AFF3: variants seen among roughly 807,000 people sequenced by gnomAD.
AFF3 encodes ALF transcription elongation factor 3, also known as AF4/FMR2 family member 3.
A neutral mutation model predicts 129.7 loss-of-function variants in AFF3; 32 were observed. The ratio of observed to expected loss-of-function variants is 0.25; its 90% CI spans 0.19 to 0.33. The LOEUF (loss-of-function observed/expected upper bound fraction) is 0.33. AFF3 is among the 10% of genes least tolerant of loss of function. AFF3 has a pLI of 1.00. For missense variants in AFF3, 1,373 were observed against 1,592.0 expected (o/e 0.86, Z 2.34); for synonymous variants, 644 against 635.4 (o/e 1.01, Z -0.20).
At chr2:99,679,416 A>G (rs1349661653) in intron 11 of AFF3, among the ~76,000 whole-genome samples, 2 of 151,942 alleles carry the variant, frequency 1.3e-5, no homozygotes, top group Non-Finnish European at 2.9e-5. Flanking sequence ...TCCACTTGCC[A>G]CCTTCTCTGC....
At chr2:100,092,358 A>T (rs2105419304) in intron 4 of AFF3, among the ~76,000 whole-genome samples, 1 of 151,822 alleles carries the variant, frequency 6.6e-6, no homozygotes, top group Middle Eastern at 3.4e-3. Context: ...CTCCATCCTC[A>T]CCGGCCCAGG....
intron 7 of AFF3, among the ~76,000 whole-genome samples, chr2:99,986,259 C>T (rs1679864916): frequency 6.8e-6 from 1 of 146,264 alleles, no homozygotes; most frequent in African/African-American, 2.5e-5. Context: ...TAATGTAGGA[C>T]ATGCACTGTG....
chr2:99,576,906 C>T (rs909187443), intron 18 of AFF3, among the ~76,000 whole-genome samples: 2 of 152,168 alleles, frequency 1.3e-5, no homozygotes, highest in African/African-American at 4.8e-5. Flanking sequence ...CCACTCCATG[C>T]CCTCCCTGGG....
intron 11 of AFF3, among the ~76,000 whole-genome samples, chr2:99,691,771 G>A (rs893166285): frequency 6.6e-6 from 1 of 152,190 alleles, no homozygotes; most frequent in Non-Finnish European, 1.5e-5. Context: ...GTGACAGGGT[G>A]TGGGGTAATG....
chr2:99,707,138 AG>A, intron 11 of AFF3: 1 of 985,464 alleles, frequency 1.0e-6, no homozygotes, highest in African/African-American at 1.7e-5. Flanking sequence ...TGGCTTAGCA[AG>A]TCAAAAACTA....
intron 4 of AFF3, among the ~76,000 whole-genome samples, chr2:100,044,973 A>C (rs1685717691): frequency 6.6e-6 from 1 of 152,146 alleles, no homozygotes; most frequent in Non-Finnish European, 1.5e-5. Context: ...GGGGATGTGG[A>C]CAAGACGGCA....
At position 99,594,245 on chromosome 2, in the gene AFF3, T is replaced by C. The variant is rs1190360461; in HGVS notation, c.1416A>G (p.Leu472=). 5 of 1,613,154 alleles carry C rather than the reference T, an allele frequency of 3.1e-6. No individual in the cohort carries two copies. Among genetic ancestry groups the C allele is most frequent in the Non-Finnish European group, 4.2e-6 (5 of 1,179,362 alleles). ...GAGGCTTGTGGGGATTAACTTTGTT[T>C]AGCCATTTATCCAGCTGCCACTTGT... The part of the protein sequence containing the change: ...SSNKWQLDKW[L]NKVNPHKPPI... The change falls in exon 15 of 25, where the codon CTA becomes CTG. Residue 472 remains leucine, a synonymous_variant. Coordinates refer to ENST00000672756, the MANE Select transcript of AFF3 (RefSeq NM_001386135.1).
chr2:99,727,498 T>C (rs1334115467), intron 10 of AFF3, among the ~76,000 whole-genome samples: 4 of 152,194 alleles, frequency 2.6e-5, no homozygotes, highest in African/African-American at 9.6e-5. Context: ...CTTTGAACTT[T>C]GATTGCTTCT....
chr2:99,650,743 T>C (rs578144670), intron 12 of AFF3, among the ~76,000 whole-genome samples: 9 of 152,150 alleles, frequency 5.9e-5, no homozygotes, highest in African/African-American at 2.2e-4. Flanking sequence ...AACTTTCATT[T>C]TGTATTGAAA....
At chr2:99,701,213 A>G (rs186346833) in intron 11 of AFF3, among the ~76,000 whole-genome samples, 2 of 152,220 alleles carry the variant, frequency 1.3e-5, no homozygotes, top group Non-Finnish European at 2.9e-5. Flanking sequence ...ACTCCCATGC[A>G]TTTTCAGCTT....
At chr2:99,676,088 G>A (rs1363728528) in intron 11 of AFF3, among the ~76,000 whole-genome samples, 2 of 151,710 alleles carry the variant, frequency 1.3e-5, no homozygotes. Context: ...TGGAAGCACA[G>A]GGCCTGTGCA....
intron 13 of AFF3, among the ~76,000 whole-genome samples, chr2:99,608,741 A>AT (rs201416916): frequency 5.3e-5 from 8 of 152,030 alleles, no homozygotes; most frequent in South Asian, 2.1e-4. Flanking sequence ...AAATCTTTTG[A>AT]TTTTTTTTCA....
intron 7 of AFF3, among the ~76,000 whole-genome samples, chr2:99,983,365 C>T (rs1028929857): frequency 9.2e-5 from 14 of 152,174 alleles, no homozygotes; most frequent in African/African-American, 3.1e-4. Flanking sequence ...AGATCTTGAT[C>T]CTATCTCTGT....
intron 13 of AFF3, among the ~76,000 whole-genome samples, chr2:99,647,296 T>A (rs2105570977): frequency 6.6e-6 from 1 of 152,290 alleles, no homozygotes; most frequent in African/African-American, 2.4e-5. Context: ...ATGGTACACA[T>A]ATGCCATGAA....
At chr2:100,056,758 C>T (rs1326288344) in intron 4 of AFF3, among the ~76,000 whole-genome samples, 1 of 152,038 alleles carries the variant, frequency 6.6e-6, no homozygotes, top group African/African-American at 2.4e-5. Flanking sequence ...AGGCTATGTC[C>T]TTTTTTGTGG....
rs570127090 is a variant in AFF3 at position 99,690,342 on chromosome 2, G to A, written c.1092-17753C>T. Among the ~76,000 whole-genome samples the A allele has an allele frequency of 5.3e-3, 802 of 150,968 alleles. 8 individuals carry two copies. The highest frequency in any genetic ancestry group is 0.019 in the African/African-American group (771 of 41,230). Reference sequence around the variant, plus strand: ...ACTACAGGCACCCGCCACCACGCCCGGCTAATTTTTTTGTATTTTTAGTAG... The same window carrying A: ...ACTACAGGCACCCGCCACCACGCCCAGCTAATTTTTTTGTATTTTTAGTAG... On this transcript the variant is annotated intron_variant, in intron 11 of 24. Coordinates refer to ENST00000672756, the MANE Select transcript of AFF3 (RefSeq NM_001386135.1).
intron 7 of AFF3, among the ~76,000 whole-genome samples, chr2:99,853,292 T>G (rs948081338): frequency 2.2e-4 from 34 of 152,356 alleles, no homozygotes; most frequent in African/African-American, 7.5e-4. Flanking sequence ...CATGTTTCTT[T>G]TTCCCATTTG....
At chr2:100,048,676 C>T (rs1376887611) in intron 4 of AFF3, among the ~76,000 whole-genome samples, 5 of 152,140 alleles carry the variant, frequency 3.3e-5, no homozygotes, top group East Asian at 1.9e-4. Flanking sequence ...GAGCATTTCC[C>T]GTTTTTGTTC....
chr2:99,641,985 T>C (rs1369226146), intron 13 of AFF3, among the ~76,000 whole-genome samples: 1 of 152,216 alleles, frequency 6.6e-6, no homozygotes, highest in Non-Finnish European at 1.5e-5. Context: ...TTGTGTCTTC[T>C]ATAGAGACCA....
Sources: allele counts gnomAD v4.1 joint callset (sites outside exome capture counted in the v4.1 genomes callset), GRCh38; gene constraint gnomAD v4.1.1; transcripts MANE v1.5; gene names NCBI Gene and HGNC (gene_info 2026-07-23, HGNC 2026-07-21).